Variants in SLC39A11 observed in about 807,000 individuals in gnomAD.
The protein encoded by SLC39A11 is solute carrier family 39 member 11, also known as zinc transporter ZIP11.
In SLC39A11, 33 loss-of-function variants were observed where a neutral mutation model predicts 36.1. The observed-to-expected ratio is 0.91, with a 90% confidence interval of 0.69 to 1.22. SLC39A11 has a LOEUF of 1.22. Among genes scored for constraint, SLC39A11 ranks in the 50% most tolerant of loss-of-function variants. The probability of loss-of-function intolerance (pLI) is 0.00; values close to 1 mark genes in which losing one functional copy is unlikely to be tolerated. For synonymous variants in SLC39A11, 166 were observed against 170.3 expected (o/e 0.97, Z 0.20); for missense variants, 432 against 430.3 (o/e 1.00, Z -0.03).
intron 3 of SLC39A11, among the ~76,000 whole-genome samples, chr17:73,067,199 G>C (rs889610803): frequency 6.6e-6 from 1 of 152,188 alleles, no homozygotes; most frequent in African/African-American, 2.4e-5. Context: ...ACATTTAGCT[G>C]GGCAAGCTGC....
intron 5 of SLC39A11, among the ~76,000 whole-genome samples, chr17:72,904,934 G>A (rs2082573319): frequency 6.6e-6 from 1 of 152,072 alleles, no homozygotes; most frequent in Non-Finnish European, 1.5e-5. Flanking sequence ...AGCACTTTGG[G>A]AGGCCGAGGC....
At chr17:72,930,576 C>A (rs747774216) in intron 5 of SLC39A11, among the ~76,000 whole-genome samples, 13 of 152,174 alleles carry the variant, frequency 8.5e-5, no homozygotes, top group Non-Finnish European at 1.5e-4. Context: ...GGCTGAGACA[C>A]ACAGAAGAAG....
intron 7 of SLC39A11, among the ~76,000 whole-genome samples, chr17:72,666,937 G>C (rs2070780726): frequency 6.6e-6 from 1 of 152,220 alleles, no homozygotes; most frequent in Non-Finnish European, 1.5e-5. Context: ...ATGCAGTGCA[G>C]GGAGAGCGAG....
chr17:72,962,748 G>A (rs934907917), intron 4 of SLC39A11, among the ~76,000 whole-genome samples: 7 of 152,128 alleles, frequency 4.6e-5, no homozygotes, highest in African/African-American at 1.7e-4. Context: ...CATTGGTGAG[G>A]CCGGTCTCGA....
At chr17:73,034,190 G>T (rs561854168) in intron 3 of SLC39A11, among the ~76,000 whole-genome samples, 1 of 152,308 alleles carries the variant, frequency 6.6e-6, no homozygotes, top group South Asian at 2.1e-4. Context: ...CCATCGAAGA[G>T]GACCTGCAAC....
At chr17:72,946,167 T>A (rs2085417492) in intron 5 of SLC39A11, among the ~76,000 whole-genome samples, 1 of 152,194 alleles carries the variant, frequency 6.6e-6, no homozygotes, top group South Asian at 2.1e-4. Flanking sequence ...CTTGACTATG[T>A]TCCAGTAAAA....
chr17:72,715,940 G>A (rs570116626), intron 7 of SLC39A11, among the ~76,000 whole-genome samples: 6 of 152,174 alleles, frequency 3.9e-5, no homozygotes, highest in Admixed American at 2.6e-4. Flanking sequence ...CAAGTGATCC[G>A]CCCGCTTCAG....
intron 7 of SLC39A11, among the ~76,000 whole-genome samples, chr17:72,661,085 G>C (rs1004560347): frequency 4.6e-5 from 7 of 152,202 alleles, no homozygotes; most frequent in Non-Finnish European, 8.8e-5. Flanking sequence ...GGCTTCTAGG[G>C]AACTTAGCTA....
chr17:72,678,610 CA>C (rs1478927723), intron 7 of SLC39A11, among the ~76,000 whole-genome samples: 1 of 151,968 alleles, frequency 6.6e-6, no homozygotes, highest in Non-Finnish European at 1.5e-5. Context: ...GAGGCTGAGG[CA>C]GGAGAATTGC....
chr17:73,044,814 T>G (rs1287351039), intron 3 of SLC39A11, among the ~76,000 whole-genome samples: 2 of 149,260 alleles, frequency 1.3e-5, no homozygotes, highest in African/African-American at 5.0e-5. Context: ...GAGGTGGAGG[T>G]TGCAGTGAGC....
chr17:72,908,074 T>C (rs959972756), intron 5 of SLC39A11, among the ~76,000 whole-genome samples: 1 of 152,202 alleles, frequency 6.6e-6, no homozygotes, highest in Admixed American at 6.5e-5. Context: ...TCTCCCTGAA[T>C]GTCCCTTTAT....
At chr17:72,858,352 A>T (rs989108889) in intron 5 of SLC39A11, among the ~76,000 whole-genome samples, 3 of 152,200 alleles carry the variant, frequency 2.0e-5, no homozygotes, top group Admixed American at 6.5e-5. Flanking sequence ...TTTTTATACC[A>T]GTACCATGCT....
At chr17:72,860,702 T>C (rs904514501) in intron 5 of SLC39A11, among the ~76,000 whole-genome samples, 4 of 152,194 alleles carry the variant, frequency 2.6e-5, no homozygotes, top group South Asian at 2.1e-4. Flanking sequence ...CTCTGAGGTA[T>C]TGACAAGGAG....
At chr17:72,787,846 A>G (rs935364112) in intron 6 of SLC39A11, among the ~76,000 whole-genome samples, 9 of 151,090 alleles carry the variant, frequency 6.0e-5, no homozygotes, top group Non-Finnish European at 1.3e-4. Context: ...ACCCCAGCTG[A>G]CTCTCCCCCT....
intron 6 of SLC39A11, among the ~76,000 whole-genome samples, chr17:72,813,837 A>T (rs2077503176): frequency 6.6e-6 from 1 of 152,192 alleles, no homozygotes; most frequent in African/African-American, 2.4e-5. Flanking sequence ...GCAGAGAAGG[A>T]CCTGCATATT....
chr17:72,772,540 G>A (rs2144724416), intron 6 of SLC39A11, among the ~76,000 whole-genome samples: 1 of 152,256 alleles, frequency 6.6e-6, no homozygotes, highest in African/African-American at 2.4e-5. Context: ...TTAAGAAAAT[G>A]CTGTCTGTCT....
chr17:72,997,117 A>G (rs12942227), intron 4 of SLC39A11, among the ~76,000 whole-genome samples: 151,409 of 152,234 alleles, frequency 0.99, 75,298 homozygotes, highest in Middle Eastern at 1. Context: ...CACAGACACC[A>G]AGAAAATCAA....
chr17:72,800,512 C>T (rs2567495), intron 6 of SLC39A11, among the ~76,000 whole-genome samples: 98,076 of 151,578 alleles, frequency 0.65, 32,559 homozygotes, highest in Non-Finnish European at 0.74. Flanking sequence ...GGTTTCGCCA[C>T]GTTGGCCAGG....
chr17:72,751,276 G>T (rs1379765390), intron 6 of SLC39A11, among the ~76,000 whole-genome samples: 1 of 152,088 alleles, frequency 6.6e-6, no homozygotes, highest in African/African-American at 2.4e-5. Flanking sequence ...TACAATATTG[G>T]TGTGCTAACA....
Sources: allele counts gnomAD v4.1 joint callset (sites outside exome capture counted in the v4.1 genomes callset), GRCh38; gene constraint gnomAD v4.1.1; transcripts MANE v1.5; gene names NCBI Gene and HGNC (gene_info 2026-07-23, HGNC 2026-07-21).